Variants in NXPE1 observed in about 807,000 individuals in gnomAD.
NXPE1 encodes neurexophilin and PC-esterase domain family member 1.
A neutral mutation model predicts 33.3 loss-of-function variants in NXPE1; 31 were observed. That is an observed-to-expected ratio of 0.93 (90% CI 0.70 to 1.26). The LOEUF is 1.26. Among genes scored for constraint, NXPE1 ranks in the 50% most tolerant of loss-of-function variants. NXPE1 has a pLI of 0.00. For synonymous variants in NXPE1, 229 were observed against 231.4 expected (o/e 0.99, Z 0.09); for missense variants, 661 against 655.6 (o/e 1.01, Z -0.09).
At chr11:114,546,279 G>C (rs1948279606) in intron 5 of NXPE1, among the ~76,000 whole-genome samples, 1 of 152,234 alleles carries the variant, frequency 6.6e-6, no homozygotes, top group African/African-American at 2.4e-5. Context: ...ATGACAGATG[G>C]TGGGAGCCAG....
At chr11:114,538,248 G>C (rs1311678066) in intron 5 of NXPE1, among the ~76,000 whole-genome samples, 45 of 152,172 alleles carry the variant, frequency 3.0e-4, no homozygotes, top group South Asian at 2.1e-4. Flanking sequence ...GAAACTGGAT[G>C]CCTTCCTTAC....
At chr11:114,529,973 AAC>A (rs1449525164) in intron 6 of NXPE1, 200 bp downstream of exon 6, 9 of 534,642 alleles carry the variant, frequency 1.7e-5, no homozygotes, top group African/African-American at 1.1e-4. Context: ...GTTATAGCAA[AAC>A]ACATGACTGA....
At chr11:114,533,129 T>C (rs1019378044) in intron 5 of NXPE1, among the ~76,000 whole-genome samples, 9 of 152,178 alleles carry the variant, frequency 5.9e-5, no homozygotes, top group African/African-American at 2.2e-4. Flanking sequence ...ATGAGAATGA[T>C]GGGGGGAGAA....
chr11:114,525,565 C>A (rs1018035044), intron 7 of NXPE1, among the ~76,000 whole-genome samples: 1 of 152,030 alleles, frequency 6.6e-6, no homozygotes, highest in African/African-American at 2.4e-5. Flanking sequence ...TCAGCTTCCC[C>A]CTTCCCCCCT....
At chr11:114,529,439 G>A (rs1192673652) in intron 6 of NXPE1, 1 of 152,230 alleles carries the variant, frequency 6.6e-6, no homozygotes, top group African/African-American at 2.4e-5. Context: ...TCAGGTTAGT[G>A]GATAACAGGG....
exon 6 of NXPE1, chr11:114,530,416 G>C (rs1291764874): frequency 6.2e-7 from 1 of 1,614,208 alleles, no homozygotes; most frequent in South Asian, 1.1e-5. Context: ...TCATAGCCTT[G>C]GTTCCTTGCC....
chr11:114,525,041 A>G (rs918269643), intron 7 of NXPE1, among the ~76,000 whole-genome samples: 6 of 152,082 alleles, frequency 3.9e-5, no homozygotes, highest in South Asian at 4.1e-4. Context: ...TTGTACTTCA[A>G]TTGTCCTGTA....
chr11:114,536,035 A>G (rs1333055312), intron 5 of NXPE1, among the ~76,000 whole-genome samples: 1 of 152,214 alleles, frequency 6.6e-6, no homozygotes, highest in Non-Finnish European at 1.5e-5. Context: ...GTTGGAAGTA[A>G]AGCACTCCTC....
chr11:114,530,847 A>G, exon 6 of NXPE1: 1 of 1,614,102 alleles, frequency 6.2e-7, no homozygotes, highest in Non-Finnish European at 8.5e-7. Flanking sequence ...TTTAGGGAAT[A>G]AGGACTTTGC....
At chr11:114,543,645 G>C (rs1394927151) in intron 5 of NXPE1, among the ~76,000 whole-genome samples, 1 of 152,014 alleles carries the variant, frequency 6.6e-6, no homozygotes, top group East Asian at 1.9e-4. Context: ...TTAATAATGA[G>C]AGATTAAACA....
chr11:114,529,856 C>A (rs1947511327), intron 6 of NXPE1: 1 of 263,756 alleles, frequency 3.8e-6, no homozygotes, highest in Admixed American at 4.8e-5. Context: ...ATTTAAGGGG[C>A]AAAATTAACA....
intron 5 of NXPE1, among the ~76,000 whole-genome samples, chr11:114,531,509 T>C (rs528803351): frequency 1.5e-4 from 23 of 152,340 alleles, no homozygotes; most frequent in African/African-American, 5.5e-4. Flanking sequence ...ACCAGTCCTT[T>C]TTAAAGCAAA....
chr11:114,538,962 C>T (rs1430477029), intron 5 of NXPE1, among the ~76,000 whole-genome samples: 3 of 152,090 alleles, frequency 2.0e-5, no homozygotes, highest in African/African-American at 4.8e-5. Context: ...ATAAATCATG[C>T]TGCTATAAAG....
chr11:114,522,578 TAAA>T lies in NXPE1; in HGVS notation c.1109-78_1109-76del, dbSNP rs1293072912. 11 of 1,266,356 alleles carry T rather than the reference TAAA, an allele frequency of 8.7e-6. No individual in the cohort carries two copies. In the East Asian group the frequency reaches 2.7e-4, roughly 32 times the overall value. 78.4% of individuals were successfully genotyped at this position (1,266,356 alleles called of 1,614,324 possible). A position where few individuals can be genotyped will look rare whatever the true frequency, so the allele number is the denominator to read the frequency against. On this transcript the variant is annotated intron_variant, in intron 8 of 8. Coordinates refer to ENST00000534921, the Ensembl canonical transcript of NXPE1. ...TCATGAAAAAGAATGTCCTATCATT[TAAA>T]ATACCCACCCTACCTAGATAATTGC...
At chr11:114,526,179 G>T (rs1947363470) in intron 7 of NXPE1, among the ~76,000 whole-genome samples, 1 of 152,202 alleles carries the variant, frequency 6.6e-6, no homozygotes, top group Admixed American at 6.5e-5. Context: ...CAAAGGAACA[G>T]ATTCTCCCCT....
rs201047483 is a variant in NXPE1 at position 114,522,257 on chromosome 11, C to T, written c.1355G>A (p.Arg452His). 34 of 1,613,780 alleles carry T rather than the reference C, an allele frequency of 2.1e-5. No individual in the cohort carries two copies. The highest frequency in any genetic ancestry group is 6.7e-5 in the African/African-American group (5 of 74,832). The stretch of plus-strand genomic sequence containing the variant: ...AGCCTTTTGAACACCGATGGCCCTG[C>T]GAATAAAAATGTCAATGGGAAATGG... Residue 452 changes from arginine (R) to histidine (H), a missense_variant, in exon 9 of 9, where the codon CGC (arginine) becomes CAC (histidine). Arg to His is a conservative substitution (Grantham distance 29). Coordinates refer to ENST00000534921, the Ensembl canonical transcript of NXPE1.
At chr11:114,537,432 A>G (rs1435931236) in intron 5 of NXPE1, among the ~76,000 whole-genome samples, 5 of 152,108 alleles carry the variant, frequency 3.3e-5, no homozygotes, top group Non-Finnish European at 7.4e-5. Flanking sequence ...TCTGGCCAAG[A>G]AAATGAGGCA....
intron 5 of NXPE1, among the ~76,000 whole-genome samples, chr11:114,538,126 A>C (rs1170858535): frequency 6.6e-6 from 1 of 152,196 alleles, no homozygotes; most frequent in South Asian, 2.1e-4. Context: ...ATAATGCCAC[A>C]TATCTACAAC....
chr11:114,539,003 TATTCACA>T (rs112346965), intron 5 of NXPE1, among the ~76,000 whole-genome samples: 24,267 of 151,962 alleles, frequency 0.16, 2,077 homozygotes, highest in South Asian at 0.23. Context: ...ATTGAGGCAC[TATTCACA>T]ATAGCAAAGA....
Sources: allele counts gnomAD v4.1 joint callset (sites outside exome capture counted in the v4.1 genomes callset), GRCh38; gene constraint gnomAD v4.1.1; transcripts MANE v1.5; gene names NCBI Gene and HGNC (gene_info 2026-07-23, HGNC 2026-07-21).